Variants in FHIT observed in about 807,000 individuals in gnomAD.
The protein encoded by FHIT is bis(5'-adenosyl)-triphosphatase.
In FHIT, 19 loss-of-function variants were observed where a neutral mutation model predicts 17.9. The ratio of observed to expected loss-of-function variants is 1.06; its 90% CI spans 0.74 to 1.56. The LOEUF (loss-of-function observed/expected upper bound fraction) is 1.56. Ranked by LOEUF, FHIT falls within the 40% of genes most tolerant of loss-of-function variation. The pLI is 0.00. For synonymous variants in FHIT, 81 were observed against 69.7 expected, an observed-to-expected ratio of 1.16 and a Z score of -0.81; for missense variants, 248 against 189.2, an observed-to-expected ratio of 1.31 and a Z score of -1.82.
intron 5 of FHIT, among the ~76,000 whole-genome samples, chr3:60,395,183 G>A (rs548217488): frequency 1.3e-5 from 2 of 152,296 alleles, no homozygotes; most frequent in South Asian, 4.1e-4. Context: ...GGTGCTTTGT[G>A]AAGCTGATAA....
chr3:60,034,879 A>C (rs1009197892), intron 5 of FHIT, among the ~76,000 whole-genome samples: 3 of 152,238 alleles, frequency 2.0e-5, no homozygotes, highest in African/African-American at 7.2e-5. Flanking sequence ...AGCCATTCAC[A>C]GCATTGAGTT....
At chr3:59,953,474 G>C (rs1172704682) in intron 7 of FHIT, among the ~76,000 whole-genome samples, 1 of 152,136 alleles carries the variant, frequency 6.6e-6, no homozygotes, top group African/African-American at 2.4e-5. Context: ...AGGTATGCCA[G>C]CGCTGCCCTC....
At chr3:59,974,123 T>A (rs905286734) in intron 7 of FHIT, among the ~76,000 whole-genome samples, 1 of 152,078 alleles carries the variant, frequency 6.6e-6, no homozygotes, top group Non-Finnish European at 1.5e-5. Context: ...ATACTGGCCA[T>A]AAAGGCAAGC....
intron 4 of FHIT, among the ~76,000 whole-genome samples, chr3:60,666,859 C>T (rs368265406): frequency 5.6e-5 from 3 of 53,606 alleles, no homozygotes; most frequent in Non-Finnish European, 8.0e-5. Flanking sequence ...TTTTTCTTTT[C>T]TTTTCTTTTT....
At chr3:60,467,152 T>C (rs1436269536) in intron 5 of FHIT, among the ~76,000 whole-genome samples, 1 of 152,060 alleles carries the variant, frequency 6.6e-6, no homozygotes, top group Non-Finnish European at 1.5e-5. Flanking sequence ...TTTATTGGTA[T>C]ATAGTAGCTC....
At chr3:60,621,890 A>C (rs2039141564) in intron 4 of FHIT, among the ~76,000 whole-genome samples, 1 of 151,352 alleles carries the variant, frequency 6.6e-6, no homozygotes, top group Non-Finnish European at 1.5e-5. Flanking sequence ...AAAAAAATAC[A>C]ATTACATGGT....
rs201009148 is a variant in FHIT at position 61,198,536 on chromosome 3, G to GA, written c.-164+2080_-164+2081insT. On this transcript the variant is annotated intron_variant, in intron 2 of 9. Coordinates refer to ENST00000492590, the MANE Select transcript of FHIT (RefSeq NM_002012.4). ...ACACGACAGAAAAAAAAAATTGGTGGGGGGGTTCCCTCTATACTACCAAGG... is the reference window on the plus strand; with the variant it reads ...ACACGACAGAAAAAAAAAATTGGTGGAGGGGGTTCCCTCTATACTACCAAGG... Among the ~76,000 whole-genome samples the GA allele has an allele frequency of 8.9e-3, 1,352 of 151,884 alleles. 20 individuals are homozygous for GA. The highest frequency in any genetic ancestry group is 0.031 in the African/African-American group (1,288 of 41,426).
intron 1 of FHIT, among the ~76,000 whole-genome samples, chr3:61,228,465 A>G (rs1446879551): frequency 1.3e-5 from 2 of 152,172 alleles, no homozygotes; most frequent in Non-Finnish European, 2.9e-5. Flanking sequence ...ATCCAATTCC[A>G]TATATAAGTG....
chr3:60,251,562 C>G (rs535955555), intron 5 of FHIT, among the ~76,000 whole-genome samples: 10 of 152,298 alleles, frequency 6.6e-5, no homozygotes, highest in African/African-American at 1.9e-4. Flanking sequence ...AATTGTACTT[C>G]CAGTGTTGAA....
At chr3:60,560,844 C>CAGAGAG (rs1553651340) in intron 4 of FHIT, among the ~76,000 whole-genome samples, 3,606 of 122,230 alleles carry the variant, frequency 0.03, 99 homozygotes, top group South Asian at 0.057. Flanking sequence ...CACACACACA[C>CAGAGAG]AGAGAGAGAG....
intron 4 of FHIT, among the ~76,000 whole-genome samples, chr3:60,683,340 A>C (rs1481426877): frequency 1.3e-5 from 2 of 152,160 alleles, no homozygotes; most frequent in Non-Finnish European, 2.9e-5. Context: ...ACTGATGTTG[A>C]AAACTTTACT....
intron 5 of FHIT, among the ~76,000 whole-genome samples, chr3:60,227,092 G>C (rs1704243997): frequency 6.6e-6 from 1 of 152,096 alleles, no homozygotes; most frequent in Non-Finnish European, 1.5e-5. Context: ...CAAAGCCAAA[G>C]TAAGCTTTCT....
intron 4 of FHIT, among the ~76,000 whole-genome samples, chr3:60,757,408 A>G (rs1485086144): frequency 6.6e-6 from 1 of 152,250 alleles, no homozygotes; most frequent in Non-Finnish European, 1.5e-5. Context: ...ATGGTTTGTG[A>G]TAAATGCTGT....
intron 5 of FHIT, among the ~76,000 whole-genome samples, chr3:60,511,066 G>A (rs139273523): frequency 6.6e-6 from 1 of 152,266 alleles, no homozygotes; most frequent in Non-Finnish European, 1.5e-5. Context: ...CAGCAGAGTG[G>A]TCAAGAATCT....
chr3:60,130,649 C>T (rs1699502762), intron 5 of FHIT, among the ~76,000 whole-genome samples: 1 of 143,354 alleles, frequency 7.0e-6, no homozygotes, highest in Admixed American at 7.0e-5. Context: ...AGAAACACCC[C>T]ACATTGTTGA....
rs138581231 is a variant in FHIT at position 60,130,881 on chromosome 3, G to A, written c.104-116729C>T. On this transcript the variant is annotated intron_variant, in intron 5 of 9. Coordinates refer to ENST00000492590, the MANE Select transcript of FHIT (RefSeq NM_002012.4). ...TACATGTATATAGACACGTATACAT[G>A]TATATACACACATACACATATATAC... Among the ~76,000 whole-genome samples the A allele has an allele frequency of 6.9e-3, 770 of 110,798 alleles. 9 individuals are homozygous for A. Among genetic ancestry groups the A allele is most frequent in the African/African-American group, 0.026 (729 of 27,956 alleles). The allele number at this position is 110,798 out of a possible 152,430, so 72.7% of individuals were successfully genotyped here.
At chr3:59,755,148 A>T (rs1409400483) in intron 8 of FHIT, among the ~76,000 whole-genome samples, 3 of 152,224 alleles carry the variant, frequency 2.0e-5, no homozygotes, top group African/African-American at 7.2e-5. Context: ...TCCTATCAAC[A>T]GTACTACTGC....
chr3:60,955,635 C>CATATATATAT (rs1553778580), intron 3 of FHIT, among the ~76,000 whole-genome samples: 4 of 48,362 alleles, frequency 8.3e-5, no homozygotes, highest in African/African-American at 1.5e-4. Flanking sequence ...TATATATATA[C>CATATATATAT]ACACACACAC....
intron 5 of FHIT, among the ~76,000 whole-genome samples, chr3:60,071,145 C>T (rs901652702): frequency 1.3e-5 from 2 of 152,082 alleles, no homozygotes; most frequent in African/African-American, 4.8e-5. Flanking sequence ...AGTAGAGCCA[C>T]CAGCCACATG....
Sources: gnomAD v4.1 joint callset for allele counts (sites outside exome capture counted in the v4.1 genomes callset) on GRCh38, gnomAD v4.1.1 for gene constraint, MANE v1.5 for transcripts, NCBI Gene and HGNC (gene_info 2026-07-23, HGNC 2026-07-21) for gene names.